The following TENT4B variants were observed in gnomAD, a reference collection of about 807,000 sequenced individuals.
TENT4B encodes PAP associated domain containing 5.
In TENT4B, 10 loss-of-function variants were observed where a neutral mutation model predicts 75.0. The observed-to-expected ratio is 0.13, with a 90% CI of 0.08 to 0.23. The LOEUF is 0.23. Ranked by LOEUF, TENT4B falls within the 10% of genes least tolerant of loss-of-function variation. The probability of loss-of-function intolerance (pLI) is 1.00; values close to 1 mark genes in which losing one functional copy is unlikely to be tolerated. For missense variants in TENT4B, 579 were observed against 893.8 expected (o/e 0.65, Z 4.49); for synonymous variants, 350 against 357.7 (o/e 0.98, Z 0.24).
At chr16:50,213,458 C>A (rs1250035738) in intron 2 of TENT4B, among the ~76,000 whole-genome samples, 3 of 152,196 alleles carry the variant, frequency 2.0e-5, no homozygotes, top group African/African-American at 7.2e-5. Flanking sequence ...TATGCCACAG[C>A]ATGATGTTAC....
At chr16:50,188,355 A>G (rs2038575436) in intron 1 of TENT4B, among the ~76,000 whole-genome samples, 1 of 152,070 alleles carries the variant, frequency 6.6e-6, no homozygotes, top group Admixed American at 6.5e-5. Context: ...CTTGGCATGT[A>G]TATTATGCAG....
chr16:50,216,133 G>A lies in TENT4B; in HGVS notation c.868G>A (p.Glu290Lys). The change falls in exon 4 of 12, where the codon GAA becomes AAA. Residue 290 changes from glutamate (E) to lysine (K), a missense_variant. Transcript: ENST00000561678. ...GAACCTACCCCTCTGGACTCTGGAA[G>A]AAGCTCTTCGGAAACACAAAGTCGC... The part of the protein sequence containing the change: ...WENLPLWTLE[E>K]ALRKHKVADE... 1 of 1,613,994 alleles carries A rather than the reference G, an allele frequency of 6.2e-7. No homozygotes were observed. The highest frequency in any genetic ancestry group is 8.5e-7 in the Non-Finnish European group (1 of 1,179,864).
chr16:50,173,841 C>T (rs1384295759), intron 1 of TENT4B, among the ~76,000 whole-genome samples: 1 of 151,596 alleles, frequency 6.6e-6, no homozygotes, highest in Non-Finnish European at 1.5e-5. Context: ...TTACAGGCGC[C>T]CGCCACCATG....
At chr16:50,164,638 C>T (rs1015570007) in intron 1 of TENT4B, among the ~76,000 whole-genome samples, 1 of 152,076 alleles carries the variant, frequency 6.6e-6, no homozygotes, top group Non-Finnish European at 1.5e-5. Flanking sequence ...AATTTATTCT[C>T]TTACAGTCGA....
At chr16:50,217,205 A>G (rs925515517) in intron 4 of TENT4B, among the ~76,000 whole-genome samples, 1 of 151,966 alleles carries the variant, frequency 6.6e-6, no homozygotes, top group African/African-American at 2.4e-5. Flanking sequence ...GGGCATATTA[A>G]TTTATTTAAC....
Position 50,235,185 on chromosome 16 carries a change from A to G in TENT4B, c.*5857A>G, listed in dbSNP as rs575981655. ...AATGACAGTTTCTTCAAAGATGTCA[A>G]TTATTTGCCTTGGAAATTTTATAAA... On this transcript the variant is annotated 3_prime_UTR_variant, in exon 12 of 12. Coordinates refer to ENST00000561678, the MANE Select transcript of TENT4B (RefSeq NM_001365324.3). 1.0e-4 allele frequency: 34 copies of G among 337,164 alleles called. 1 individual carries two copies. The South Asian group carries it at 3.5e-3, about 35-fold the overall frequency. 20.9% of individuals were successfully genotyped at this position (337,164 alleles called of 1,614,324 possible). A position where few individuals can be genotyped will look rare whatever the true frequency, so the allele number is the denominator to read the frequency against.
intron 1 of TENT4B, among the ~76,000 whole-genome samples, chr16:50,201,167 T>C (rs1300872691): frequency 6.6e-6 from 1 of 152,232 alleles, no homozygotes. Context: ...TCTACATTTG[T>C]ACACATTATG....
rs1202739270 is a variant in TENT4B at position 50,153,501 on chromosome 16, AGCAGCAGCGGCAGCAGCG to A, written c.-112_-95del. 31 of 972,902 alleles carry A rather than the reference AGCAGCAGCGGCAGCAGCG, an allele frequency of 3.2e-5. No homozygotes were observed. In the East Asian group the frequency reaches 4.7e-4, roughly 15 times the overall value. 60.3% of individuals were successfully genotyped at this position (972,902 alleles called of 1,614,324 possible). Reference sequence around the variant, plus strand: ...GCGGCGGGCCCCGAGCAGCAGCAGCAGCAGCAGCGGCAGCAGCGGCAGCAGCAGCAGCAGCCGAGGCCG... The same window carrying A: ...GCGGCGGGCCCCGAGCAGCAGCAGCAGCAGCAGCAGCAGCAGCCGAGGCCG... On this transcript the variant is annotated 5_prime_UTR_variant, in exon 1 of 12. Coordinates refer to ENST00000561678, the MANE Select transcript of TENT4B (RefSeq NM_001365324.3).
At chr16:50,155,134 A>T (rs551353028) in intron 1 of TENT4B, among the ~76,000 whole-genome samples, 2 of 152,274 alleles carry the variant, frequency 1.3e-5, no homozygotes, top group East Asian at 3.9e-4. Flanking sequence ...TAGAAAATGG[A>T]ATCTTACCTG....
At chr16:50,213,876 T>C (rs2031414309) in intron 2 of TENT4B, among the ~76,000 whole-genome samples, 1 of 152,176 alleles carries the variant, frequency 6.6e-6, no homozygotes, top group African/African-American at 2.4e-5. Context: ...AGGACTAGCA[T>C]AGGTTGCATG....
At chr16:50,207,192 A>AT (rs974180853) in intron 1 of TENT4B, among the ~76,000 whole-genome samples, 4 of 144,382 alleles carry the variant, frequency 2.8e-5, no homozygotes, top group Admixed American at 6.9e-5. Flanking sequence ...AAATTTTTTT[A>AT]TTTTTTTGAG....
intron 1 of TENT4B, among the ~76,000 whole-genome samples, chr16:50,200,999 G>A (rs549693311): frequency 2.0e-5 from 3 of 151,732 alleles, no homozygotes; most frequent in Admixed American, 6.6e-5. Flanking sequence ...GTGGGATCTC[G>A]CCATGTTACC....
chr16:50,175,326 A>G (rs2038285424), intron 1 of TENT4B, among the ~76,000 whole-genome samples: 1 of 152,062 alleles, frequency 6.6e-6, no homozygotes, highest in Non-Finnish European at 1.5e-5. Flanking sequence ...TCTTTGATGG[A>G]TTTTGCTTTT....
chr16:50,184,557 C>A (rs571422860), intron 1 of TENT4B, among the ~76,000 whole-genome samples: 1 of 152,040 alleles, frequency 6.6e-6, no homozygotes, highest in Non-Finnish European at 1.5e-5. Flanking sequence ...GTCCCAGCTA[C>A]GCAGGAGGCT....
rs190111073 is a variant in TENT4B, at chr16:50,188,945, C to T, written c.639-22378C>T. Among the ~76,000 whole-genome samples, 8 of 152,304 alleles carry T rather than the reference C, an allele frequency of 5.3e-5. 1 individual carries two copies. The highest frequency in any genetic ancestry group is 3.9e-4 in the Admixed American group (6 of 15,294). ...AGAGCTTGTTCTGCTCCCCACCCTC[C>T]CTTTTCCCATAGTAACCATTTATAG... On this transcript the variant is annotated intron_variant, in intron 1 of 11. Transcript: ENST00000561678.
At chr16:50,225,389 T>C in intron 10 of TENT4B, 104 bp downstream of exon 10, 1 of 1,017,148 alleles carries the variant, frequency 9.8e-7, no homozygotes, top group Non-Finnish European at 1.4e-6. Flanking sequence ...TGCTTACATG[T>C]TACTGGGATA....
chr16:50,153,182 G>A (rs1352165215), upstream of TENT4B: 1 of 138,814 alleles, frequency 7.2e-6, no homozygotes, highest in African/African-American at 3.7e-5. Flanking sequence ...GGGCGGGGCG[G>A]TGGGGGGGGG....
upstream of TENT4B, chr16:50,153,182 G>GT (rs1491280178): frequency 2.2e-5 from 3 of 138,864 alleles, no homozygotes; most frequent in Non-Finnish European, 4.0e-5. Flanking sequence ...GGGCGGGGCG[G>GT]TGGGGGGGGG....
rs1001800306 is a variant in TENT4B, at chr16:50,234,876, G to A, written c.*5548G>A. ...ACGTGTATTTAGAAACTTTGGTGAAGCCAGTATTTGTTTTTAGTAACCTTT... is the reference window on the plus strand; with the variant it reads ...ACGTGTATTTAGAAACTTTGGTGAAACCAGTATTTGTTTTTAGTAACCTTT... On this transcript the variant is annotated 3_prime_UTR_variant, in exon 12 of 12. Coordinates refer to ENST00000561678, the MANE Select transcript of TENT4B (RefSeq NM_001365324.3). 3 of 985,770 alleles carry A rather than the reference G, an allele frequency of 3.0e-6. No homozygotes were observed. Among genetic ancestry groups the A allele is most frequent in the Non-Finnish European group, 3.6e-6 (3 of 829,886 alleles). 61.1% of individuals were successfully genotyped at this position (985,770 alleles called of 1,614,324 possible).
Sources: allele counts gnomAD v4.1 joint callset (sites outside exome capture counted in the v4.1 genomes callset), GRCh38; gene constraint gnomAD v4.1.1; transcripts MANE v1.5; gene names NCBI Gene and HGNC (gene_info 2026-07-23, HGNC 2026-07-21).